DYNC1LI1: variants seen among roughly 807,000 people sequenced by gnomAD.
The protein encoded by DYNC1LI1 is cytoplasmic dynein 1 light intermediate chain 1.
DYNC1LI1 carries 19 observed loss-of-function variants against 63.8 expected under a neutral mutation model. The ratio of observed to expected loss-of-function variants is 0.30; its 90% CI spans 0.21 to 0.44. The LOEUF (loss-of-function observed/expected upper bound fraction) is 0.44. Among genes scored for constraint, DYNC1LI1 ranks in the 20% least tolerant of loss-of-function variants. The probability of loss-of-function intolerance (pLI) is 1.00; values close to 1 mark genes in which losing one functional copy is unlikely to be tolerated. For missense variants in DYNC1LI1, 565 were observed against 630.2 expected, an observed-to-expected ratio of 0.90 and a Z score of 1.11; for synonymous variants, 225 against 232.3, an observed-to-expected ratio of 0.97 and a Z score of 0.28.
At chr3:32,560,226 G>T (rs1490807419) in intron 2 of DYNC1LI1, among the ~76,000 whole-genome samples, 2 of 152,092 alleles carry the variant, frequency 1.3e-5, no homozygotes, top group Non-Finnish European at 2.9e-5. Flanking sequence ...ACTGAGGTCA[G>T]GAGTTCAAGA....
rs1314353438 is a variant in DYNC1LI1, at chr3:32,570,265, G to C, written c.220+81C>G. ...GCTGGGCCGGCTGTCCGCACAAAGAGAGCCAGCGAGCTAGCCCGCGGACCA... is the reference window on the plus strand; with the variant it reads ...GCTGGGCCGGCTGTCCGCACAAAGACAGCCAGCGAGCTAGCCCGCGGACCA... On this transcript the variant is annotated intron_variant, in intron 2 of 12. Coordinates refer to ENST00000273130, the MANE Select transcript of DYNC1LI1 (RefSeq NM_016141.4). 3 of 1,154,804 alleles carry C rather than the reference G, an allele frequency of 2.6e-6. No individual in the cohort carries two copies. The South Asian group carries it at 4.0e-5, about 15-fold the overall frequency. 71.5% of individuals were successfully genotyped at this position (1,154,804 alleles called of 1,614,324 possible).
intron 2 of DYNC1LI1, among the ~76,000 whole-genome samples, chr3:32,553,172 A>G (rs201840542): frequency 6.6e-6 from 1 of 152,106 alleles, no homozygotes; most frequent in Non-Finnish European, 1.5e-5. Flanking sequence ...TCTATCTACA[A>G]AAAAATAGAA....
At chr3:32,536,640 A>T (rs1697777662) in intron 6 of DYNC1LI1, among the ~76,000 whole-genome samples, 1 of 152,170 alleles carries the variant, frequency 6.6e-6, no homozygotes, top group Admixed American at 6.5e-5. Context: ...ACACTAAACA[A>T]ATTAAAAATG....
At chr3:32,565,344 T>C (rs1210792098) in intron 2 of DYNC1LI1, among the ~76,000 whole-genome samples, 2 of 152,202 alleles carry the variant, frequency 1.3e-5, no homozygotes, top group Admixed American at 6.5e-5. Flanking sequence ...TAATTCACAC[T>C]GACAGCAAAT....
At chr3:32,567,234 G>A (rs1698272632) in intron 2 of DYNC1LI1, among the ~76,000 whole-genome samples, 1 of 152,238 alleles carries the variant, frequency 6.6e-6, no homozygotes, top group South Asian at 2.1e-4. Context: ...CACTTAACAG[G>A]TCTCTACAAT....
intron 6 of DYNC1LI1, among the ~76,000 whole-genome samples, chr3:32,535,385 C>T (rs1474511375): frequency 2.0e-5 from 3 of 152,170 alleles, no homozygotes; most frequent in Non-Finnish European, 4.4e-5. Flanking sequence ...TATGACCATC[C>T]ACATTCTAGC....
At chr3:32,549,638 A>T (rs1332152974) in intron 2 of DYNC1LI1, among the ~76,000 whole-genome samples, 5 of 152,186 alleles carry the variant, frequency 3.3e-5, no homozygotes, top group African/African-American at 1.2e-4. Context: ...CATAAAAATA[A>T]GCAGTAATTA....
intron 8 of DYNC1LI1, chr3:32,530,749 A>T: frequency 6.5e-6 from 3 of 460,454 alleles, no homozygotes; most frequent in East Asian, 3.4e-5. Flanking sequence ...TCAATATGGC[A>T]GTCACTAGCC....
intron 2 of DYNC1LI1, among the ~76,000 whole-genome samples, chr3:32,560,680 C>T (rs1017432098): frequency 2.0e-5 from 3 of 152,050 alleles, no homozygotes; most frequent in Admixed American, 1.3e-4. Flanking sequence ...TTTCCTTACT[C>T]CCACGGGCTG....
chr3:32,551,420 A>G (rs1698037230), intron 2 of DYNC1LI1, among the ~76,000 whole-genome samples: 1 of 152,198 alleles, frequency 6.6e-6, no homozygotes, highest in Non-Finnish European at 1.5e-5. Context: ...AGGGGAAAGG[A>G]AGCAAAAGGT....
intron 2 of DYNC1LI1, among the ~76,000 whole-genome samples, chr3:32,562,619 G>A (rs1414635479): frequency 2.0e-5 from 3 of 152,198 alleles, no homozygotes; most frequent in Admixed American, 1.3e-4. Context: ...GAGCCACTGA[G>A]CATGGCTATT....
intron 5 of DYNC1LI1, among the ~76,000 whole-genome samples, chr3:32,537,956 TATATAA>T (rs1697806472): frequency 1.0e-3 from 3 of 2,896 alleles, no homozygotes; most frequent in Non-Finnish European, 1.8e-3. Context: ...ATAATTTATA[TATATAA>T]TATATATATA....
At chr3:32,569,499 A>T (rs1052777539) in intron 2 of DYNC1LI1, among the ~76,000 whole-genome samples, 1 of 152,222 alleles carries the variant, frequency 6.6e-6, no homozygotes, top group African/African-American at 2.4e-5. Flanking sequence ...GCCGACACCA[A>T]ATACCAAAGT....
chr3:32,565,422 C>T (rs775019994), intron 2 of DYNC1LI1, among the ~76,000 whole-genome samples: 2 of 152,120 alleles, frequency 1.3e-5, no homozygotes, highest in African/African-American at 2.4e-5. Context: ...TACATATGTA[C>T]CTTTGTTGAC....
At chr3:32,538,359 T>C (rs1239755528) in intron 5 of DYNC1LI1, among the ~76,000 whole-genome samples, 1 of 151,600 alleles carries the variant, frequency 6.6e-6, no homozygotes, top group Non-Finnish European at 1.5e-5. Context: ...TTATTATACT[T>C]TGACTTATTG....
intron 8 of DYNC1LI1, chr3:32,532,760 A>G (rs1459716696): frequency 1.5e-6 from 1 of 655,868 alleles, no homozygotes; most frequent in African/African-American, 1.9e-5. Context: ...AATTGCTAAT[A>G]TAAATATGCC....
rs188983819 is a variant in DYNC1LI1, at chr3:32,568,000, G to C, written c.220+2346C>G. Among the ~76,000 whole-genome samples the C allele has an allele frequency of 9.9e-4, 150 of 152,160 alleles. No homozygotes were observed. In the East Asian group the frequency reaches 0.028, roughly 28 times the overall value. ...TTACAGGCAGGAGCTGCCGTGCCAG[G>C]CCAATTTTTTTATTTTTTGTAGACA... is the stretch of plus-strand genomic sequence containing the variant. On this transcript the variant is annotated intron_variant, in intron 2 of 12. Coordinates refer to ENST00000273130, the MANE Select transcript of DYNC1LI1 (RefSeq NM_016141.4).
At chr3:32,533,559 C>T (rs1025877263) in intron 7 of DYNC1LI1, among the ~76,000 whole-genome samples, 7 of 148,062 alleles carry the variant, frequency 4.7e-5, no homozygotes, top group African/African-American at 1.2e-4. Flanking sequence ...CAATTTTATA[C>T]GGTTACCTTT....
At chr3:32,528,353 A>C in intron 12 of DYNC1LI1, 93 bp downstream of exon 12, 1 of 1,449,514 alleles carries the variant, frequency 6.9e-7, no homozygotes, top group Non-Finnish European at 9.5e-7. Context: ...AAGATACCAA[A>C]ACCACAGAAT....
Sources: gnomAD v4.1 joint callset for allele counts (sites outside exome capture counted in the v4.1 genomes callset) on GRCh38, gnomAD v4.1.1 for gene constraint, MANE v1.5 for transcripts, NCBI Gene and HGNC (gene_info 2026-07-23, HGNC 2026-07-21) for gene names.